TBCD: variants seen among roughly 807,000 people sequenced by gnomAD.
The protein encoded by TBCD is tubulin-specific chaperone D.
A neutral mutation model predicts 169.3 loss-of-function variants in TBCD; 105 were observed. The ratio of observed to expected loss-of-function variants is 0.62; its 90% CI spans 0.53 to 0.73. The LOEUF (loss-of-function observed/expected upper bound fraction) is 0.73. Among genes scored for constraint, TBCD ranks in the 30% least tolerant of loss-of-function variants. The pLI is 0.00. For synonymous variants in TBCD, 700 were observed against 643.9 expected (o/e 1.09, Z -1.32); for missense variants, 1,444 against 1,600.1 (o/e 0.90, Z 1.66).
chr17:82,876,881 G>GAGCCGGGAGTGCC (rs1389893960), intron 14 of TBCD: 87 of 756,506 alleles, frequency 1.2e-4, no homozygotes, highest in Non-Finnish European at 5.1e-5. Context: ...CCGGGAGAGG[G>GAGCCGGGAGTGCC]AGCCGGGAGT....
chr17:82,930,341 G>C lies in TBCD; in HGVS notation c.2992-181G>C, dbSNP rs930752833. On this transcript the variant is annotated intron_variant, in intron 32 of 38. Coordinates refer to ENST00000355528, the MANE Select transcript of TBCD (RefSeq NM_005993.5). The surrounding 1 kb of genome is among the most constrained non-coding windows in gnomAD (Gnocchi z 5.2). ...GCCGAGAGCCTTGTGTCTGCTTCGG[G>C]TGTCTGCACTGTGAGTGGCTCCGTG... is the stretch of plus-strand genomic sequence containing the variant. 1.7e-5 allele frequency: 13 copies of C among 784,348 alleles called. No individual in the cohort carries two copies. The African/African-American group carries it at 2.3e-4, about 14-fold the overall frequency. The allele number at this position is 784,348 out of a possible 1,614,324, so 48.6% of individuals were successfully genotyped here. A position where few individuals can be genotyped will look rare whatever the true frequency, so the allele number is the denominator to read the frequency against.
Position 82,903,572 on chromosome 17 carries a change from G to A in TBCD, c.1804+94G>A. ...TCAAAGGCTGGGGGCTGAAAATAAG[G>A]TTGTGCTTCTGTCTTGGTGAGAAGC... On this transcript the variant is annotated intron_variant, in intron 19 of 38. Coordinates refer to ENST00000355528, the MANE Select transcript of TBCD (RefSeq NM_005993.5). This position sits in a 1 kb window ranked among gnomAD's most constrained non-coding sequence, Gnocchi z 4.8. 1 of 1,283,420 alleles carries A rather than the reference G, an allele frequency of 7.8e-7. No individual in the cohort carries two copies. The highest frequency in any genetic ancestry group is 1.3e-5 in the South Asian group (1 of 74,940). 79.5% of individuals were successfully genotyped at this position (1,283,420 alleles called of 1,614,324 possible). A position where few individuals can be genotyped will look rare whatever the true frequency, so the allele number is the denominator to read the frequency against.
chr17:82,799,731 G>A (rs966280472), intron 8 of TBCD, among the ~76,000 whole-genome samples: 8 of 152,202 alleles, frequency 5.3e-5, no homozygotes, highest in East Asian at 1.9e-4. Flanking sequence ...GCGAGCAGCC[G>A]TTGCCAGGCC....
chr17:82,903,512 A>C lies in TBCD; in HGVS notation c.1804+34A>C, dbSNP rs368205776. The C allele has an allele frequency of 8.3e-6, 13 of 1,562,242 alleles. No individual in the cohort carries two copies. Among genetic ancestry groups the C allele is most frequent in the Admixed American group, 3.8e-5 (2 of 53,028 alleles). ...GTGTCCCGGCCGGCCTGCGGGCACC[A>C]TGCATGCACTGCAGAAAGGCCTGGG... is the stretch of plus-strand genomic sequence containing the variant. On this transcript the variant is annotated intron_variant, in intron 19 of 38. Transcript: ENST00000355528. This position sits in a 1 kb window ranked among gnomAD's most constrained non-coding sequence, Gnocchi z 4.8.
At chr17:82,906,167 T>C in intron 20 of TBCD, 114 bp downstream of exon 20, 1 of 811,544 alleles carries the variant, frequency 1.2e-6, no homozygotes, top group Non-Finnish European at 2.0e-6. Context: ...TTTGTTTATC[T>C]GCACCAGTGT....
intron 13 of TBCD, among the ~76,000 whole-genome samples, chr17:82,834,251 A>C (rs904845884): frequency 6.6e-6 from 1 of 152,180 alleles, no homozygotes; most frequent in Non-Finnish European, 1.5e-5. Context: ...CCCGTCCCAG[A>C]ACAAAGGCTT....
intron 13 of TBCD, among the ~76,000 whole-genome samples, chr17:82,827,258 G>A (rs1460467367): frequency 6.6e-6 from 1 of 152,234 alleles, no homozygotes; most frequent in East Asian, 1.9e-4. Context: ...GTGAAGTGAT[G>A]CGTTGACAGC....
At chr17:82,859,699 C>T (rs1390656853) in intron 13 of TBCD, 3 of 985,330 alleles carry the variant, frequency 3.0e-6, no homozygotes, top group Non-Finnish European at 3.6e-6. Flanking sequence ...CCAGGGCTTG[C>T]CCGCCGGGAG....
intron 22 of TBCD, 110 bp from the exon 23 acceptor site, chr17:82,911,648 G>T: frequency 1.8e-6 from 2 of 1,096,108 alleles, no homozygotes; most frequent in Non-Finnish European, 2.7e-6. Context: ...CATTCAACTA[G>T]TTCTCATTTT....
rs2052164058 is a variant in TBCD, at chr17:82,818,904, T to C, written c.1318+3970T>C. On this transcript the variant is annotated intron_variant, in intron 13 of 38. Transcript: ENST00000355528. ...CAACATGGTGAAACCCCGTCTCTGC[T>C]AAAAATACAAGGATGTGGTGGTGCA... Among the ~76,000 whole-genome samples, 4 of 152,170 alleles carry C rather than the reference T, an allele frequency of 2.6e-5. No homozygotes were observed. The South Asian group carries it at 8.3e-4, about 32-fold the overall frequency.
rs773877030 is a variant in TBCD at position 82,900,752 on chromosome 17, T to C, written c.1730+21T>C. 3 of 1,597,294 alleles carry C rather than the reference T, an allele frequency of 1.9e-6. No individual in the cohort carries two copies. In the East Asian group the frequency reaches 6.7e-5, roughly 36 times the overall value. ...GATGGGTAGGTTTTCTGTTTTTGTT[T>C]TTCTAAGAGCTTTTTTTCCCCCCAA... On this transcript the variant is annotated intron_variant, in intron 18 of 38. Transcript: ENST00000355528.
At chr17:82,931,475 GCGTGCCGGTCGCTCATTCCTC>G (rs1392078678) in intron 33 of TBCD, among the ~76,000 whole-genome samples, 26 of 152,308 alleles carry the variant, frequency 1.7e-4, no homozygotes, top group East Asian at 3.9e-4. Context: ...GCGCTGGGCC[GCGTGCCGGTCGCTCATTCCTC>G]CGTGCCGGTC....
intron 18 of TBCD, among the ~76,000 whole-genome samples, chr17:82,901,094 C>T (rs1599374727): frequency 6.6e-6 from 1 of 152,252 alleles, no homozygotes; most frequent in Non-Finnish European, 1.5e-5. Flanking sequence ...TGTGGCTCCA[C>T]AGGTGGTTTC....
chr17:82,852,449 A>G (rs1236039080), intron 13 of TBCD, among the ~76,000 whole-genome samples: 2 of 152,142 alleles, frequency 1.3e-5, no homozygotes, highest in Non-Finnish European at 2.9e-5. Flanking sequence ...CTGGGTGTCC[A>G]AGGTCGAGGT....
At chr17:82,887,556 T>C (rs543485356) in intron 15 of TBCD, among the ~76,000 whole-genome samples, 1 of 152,334 alleles carries the variant, frequency 6.6e-6, no homozygotes, top group South Asian at 2.1e-4. Flanking sequence ...GGATGGTTTC[T>C]AGTCTTTAAG....
intron 13 of TBCD, among the ~76,000 whole-genome samples, chr17:82,865,261 C>T (rs1040406112): frequency 3.3e-5 from 5 of 151,806 alleles, no homozygotes; most frequent in East Asian, 1.9e-4. Flanking sequence ...GACGGCCACA[C>T]GGATGGCTGT....
intron 36 of TBCD, chr17:82,939,129 A>G (rs1599732672): frequency 1.7e-6 from 1 of 578,518 alleles, no homozygotes; most frequent in Middle Eastern, 4.6e-4. Flanking sequence ...GAATGATGTC[A>G]TCTTCACTGC....
Position 82,927,963 on chromosome 17 carries a change from C to T in TBCD, c.2668C>T (p.Gln890Ter). The T allele has an allele frequency of 6.2e-7, 1 of 1,612,620 alleles. No individual in the cohort carries two copies. The highest frequency in any genetic ancestry group is 8.5e-7 in the Non-Finnish European group (1 of 1,179,770). The part of the protein sequence containing the change: ...MDLTLLLARS[Q>*]PELIEAHTCE... ...TCTGACACTTCTGCTGGCTCGGAGC[C>T]AGCCTGAGCTGATCGAGGCCCATAC... The change falls in exon 30 of 39, where the codon CAG becomes TAG. Residue 890 changes from glutamine (Q) to a stop codon, truncating the protein, a stop_gained. Transcript: ENST00000355528. LOFTEE classifies it high-confidence loss of function.
rs202180755 is a variant in TBCD, at chr17:82,831,511, A to C, written c.1318+16577A>C. The C allele has an allele frequency of 9.3e-6, 15 of 1,614,112 alleles. No homozygotes were observed. Among genetic ancestry groups the C allele is most frequent in the Non-Finnish European group, 1.2e-5 (14 of 1,180,018 alleles). Reference sequence around the variant, plus strand: ...CCTGTAAAATCCGTAAGGAATCGGCAGGTTAGAGGGATATTGCTGGAAAAA... The same window carrying C: ...CCTGTAAAATCCGTAAGGAATCGGCCGGTTAGAGGGATATTGCTGGAAAAA... On this transcript the variant is annotated intron_variant, in intron 13 of 38. Coordinates refer to ENST00000355528, the MANE Select transcript of TBCD (RefSeq NM_005993.5). This position sits in a 1 kb window ranked among gnomAD's most constrained non-coding sequence, Gnocchi z 4.6.
Sources: gnomAD v4.1 joint callset for allele counts (sites outside exome capture counted in the v4.1 genomes callset) on GRCh38, gnomAD v4.1.1 for gene constraint, Gnocchi (gnomAD v3.1) non-coding constraint, MANE v1.5 for transcripts, NCBI Gene and HGNC (gene_info 2026-07-23, HGNC 2026-07-21) for gene names.